Variants in AGBL4 observed in about 807,000 individuals in gnomAD.
AGBL4 encodes cytosolic carboxypeptidase 6.
Under a neutral mutation model 66.4 loss-of-function variants are expected in AGBL4, and 58 were observed. The observed-to-expected ratio is 0.87, with a 90% CI of 0.71 to 1.09. The LOEUF (loss-of-function observed/expected upper bound fraction) is 1.09, where lower values mean the gene tolerates loss of function less well. Among genes scored for constraint, AGBL4 ranks in the 50% least tolerant of loss-of-function variants. The pLI, the probability that AGBL4 is intolerant of heterozygous loss-of-function variation, is 0.00. For synonymous variants in AGBL4, 234 were observed against 222.9 expected (o/e 1.05, Z -0.44); for missense variants, 579 against 631.0 (o/e 0.92, Z 0.88).
chr1:48,736,877 C>T lies in AGBL4; in HGVS notation c.635-73636G>A, dbSNP rs1224781147. ...CCATGCTTAACTTCTTTCTGTGTTA[C>T]ACTATGGAAAGACCCACCTTCCTTT... On this transcript the variant is annotated intron_variant, in intron 6 of 13. Transcript: ENST00000371839. The surrounding 1 kb of genome is among the most constrained non-coding windows in gnomAD (Gnocchi z 4.0). 6.6e-6 allele frequency among the ~76,000 whole-genome samples: 1 copy of T among 152,170 alleles called. No homozygotes were observed. The highest frequency in any genetic ancestry group is 6.5e-5 in the Admixed American group (1 of 15,278).
chr1:49,385,029 T>C (rs931984781), intron 3 of AGBL4, among the ~76,000 whole-genome samples: 15 of 152,288 alleles, frequency 9.8e-5, no homozygotes, highest in Middle Eastern at 3.4e-3. Context: ...CTGGAGGACA[T>C]TCCGTTAAGT....
At chr1:48,973,799 T>C (rs1363593423) in intron 5 of AGBL4, among the ~76,000 whole-genome samples, 3 of 152,050 alleles carry the variant, frequency 2.0e-5, no homozygotes, top group Non-Finnish European at 4.4e-5. Flanking sequence ...GTATGCTGCA[T>C]CCTAGGAACT....
At chr1:49,597,715 AAAGTC>A (rs1644877532) in intron 3 of AGBL4, among the ~76,000 whole-genome samples, 2 of 152,164 alleles carry the variant, frequency 1.3e-5, no homozygotes, top group Admixed American at 1.3e-4. Flanking sequence ...GGCAATTATA[AAAGTC>A]AAGATCTCCT....
chr1:48,560,050 TC>T (rs1249873651), intron 11 of AGBL4, among the ~76,000 whole-genome samples: 1 of 152,066 alleles, frequency 6.6e-6, no homozygotes, highest in Middle Eastern at 3.2e-3. Flanking sequence ...AGCTACCACC[TC>T]CTCCATGAAA....
chr1:48,774,109 T>C (rs1338927291), intron 6 of AGBL4, among the ~76,000 whole-genome samples: 2 of 152,248 alleles, frequency 1.3e-5, no homozygotes, highest in South Asian at 2.1e-4. Context: ...CAGAAAGCTG[T>C]GCTGAAACTA....
chr1:48,532,336 G>C (rs1288924626), downstream of AGBL4, among the ~76,000 whole-genome samples: 1 of 152,152 alleles, frequency 6.6e-6, no homozygotes. Context: ...TAAATAACTT[G>C]CCTAAGATCA....
chr1:49,768,723 A>T (rs1333132206), intron 2 of AGBL4, among the ~76,000 whole-genome samples: 1 of 152,206 alleles, frequency 6.6e-6, no homozygotes, highest in African/African-American at 2.4e-5. Context: ...TAGAAAAAAA[A>T]GTCAAAATAT....
chr1:48,766,849 C>A (rs1644556325), intron 6 of AGBL4, among the ~76,000 whole-genome samples: 1 of 152,196 alleles, frequency 6.6e-6, no homozygotes, highest in Non-Finnish European at 1.5e-5. Context: ...AGGCAGTGAA[C>A]ATTTACTGTT....
chr1:49,888,671 G>C (rs1214934878), intron 1 of AGBL4, among the ~76,000 whole-genome samples: 1 of 152,204 alleles, frequency 6.6e-6, no homozygotes, highest in Non-Finnish European at 1.5e-5. Flanking sequence ...CCAATGGGTA[G>C]ATTTCAGCTC....
At position 49,078,157 on chromosome 1, in the gene AGBL4, G is replaced by A. The variant is rs139451645; in HGVS notation, c.378-32357C>T. 2.0e-3 allele frequency among the ~76,000 whole-genome samples: 305 copies of A among 152,250 alleles called. 2 individuals carry two copies. Among genetic ancestry groups the A allele is most frequent in the African/African-American group, 7.1e-3 (295 of 41,570 alleles). On this transcript the variant is annotated intron_variant, in intron 4 of 13. Transcript: ENST00000371839. The stretch of plus-strand genomic sequence containing the variant: ...ACTCTAACCCTGTACTAAGGAAAGA[G>A]CTAAATCCAAAAGGCCTTGTCTCAA...
At chr1:49,980,723 T>A (rs1374234298) in intron 1 of AGBL4, among the ~76,000 whole-genome samples, 3 of 152,184 alleles carry the variant, frequency 2.0e-5, no homozygotes, top group Non-Finnish European at 4.4e-5. Flanking sequence ...ACTGCTACTG[T>A]GAACATGAGT....
At chr1:49,084,621 C>T (rs1218740947) in intron 4 of AGBL4, among the ~76,000 whole-genome samples, 2 of 152,126 alleles carry the variant, frequency 1.3e-5, no homozygotes, top group East Asian at 3.9e-4. Flanking sequence ...GGGATTATGA[C>T]AATTCAAGGT....
At chr1:49,443,782 TTATATA>T (rs1009875724) in intron 3 of AGBL4, among the ~76,000 whole-genome samples, 1 of 149,784 alleles carries the variant, frequency 6.7e-6, no homozygotes, top group African/African-American at 2.4e-5. Flanking sequence ...CTGATTTTTA[TTATATA>T]TATATATATT....
intron 3 of AGBL4, among the ~76,000 whole-genome samples, chr1:49,477,950 C>T (rs182638824): frequency 1.3e-5 from 2 of 151,238 alleles, no homozygotes; most frequent in East Asian, 4.0e-4. Flanking sequence ...CTTTTAATAG[C>T]AGAACTGATC....
At chr1:49,993,948 C>G (rs553264713) in intron 1 of AGBL4, among the ~76,000 whole-genome samples, 70 of 152,300 alleles carry the variant, frequency 4.6e-4, no homozygotes, top group African/African-American at 1.2e-3. Context: ...TTGTTCAAGA[C>G]CTATTTTAAG....
intron 9 of AGBL4, among the ~76,000 whole-genome samples, chr1:48,595,287 T>C (rs1450454129): frequency 1.2e-4 from 18 of 152,222 alleles, no homozygotes; most frequent in Admixed American, 1.0e-3. Context: ...GCTGATTTTT[T>C]TCAATCCACA....
chr1:49,050,723 T>G (rs372016046), intron 4 of AGBL4, among the ~76,000 whole-genome samples: 5 of 152,140 alleles, frequency 3.3e-5, no homozygotes, highest in Admixed American at 6.6e-5. Context: ...CAAATGATAG[T>G]TCCTCTTTGA....
chr1:48,679,390 G>A (rs1407079774), intron 6 of AGBL4, among the ~76,000 whole-genome samples: 1 of 152,160 alleles, frequency 6.6e-6, no homozygotes, highest in African/African-American at 2.4e-5. Flanking sequence ...TTACTGGGGT[G>A]TCAGAGAGAA....
intron 6 of AGBL4, among the ~76,000 whole-genome samples, chr1:48,670,638 G>T (rs11806475): frequency 0.024 from 3,639 of 152,292 alleles, 157 homozygotes; most frequent in African/African-American, 0.084. Flanking sequence ...TTGCCATAGG[G>T]CTGGAACCTA....
Sources: gnomAD v4.1 joint callset for allele counts (sites outside exome capture counted in the v4.1 genomes callset) on GRCh38, gnomAD v4.1.1 for gene constraint, Gnocchi (gnomAD v3.1) non-coding constraint, MANE v1.5 for transcripts, NCBI Gene and HGNC (gene_info 2026-07-23, HGNC 2026-07-21) for gene names.